The following MRTFA variants were observed in gnomAD, a reference collection of about 807,000 sequenced individuals.
MRTFA encodes myocardin related transcription factor A.
Under a neutral mutation model 83.5 loss-of-function variants are expected in MRTFA, and 20 were observed. The ratio of observed to expected loss-of-function variants is 0.24; its 90% confidence interval spans 0.17 to 0.35. The LOEUF (loss-of-function observed/expected upper bound fraction) is 0.35. MRTFA is among the 10% of genes least tolerant of loss of function. The probability of loss-of-function intolerance (pLI) is 1.00; values close to 1 mark genes in which losing one functional copy is unlikely to be tolerated. For missense variants in MRTFA, 1,200 were observed against 1,224.7 expected (o/e 0.98, Z 0.30); for synonymous variants, 659 against 541.2 (o/e 1.22, Z -3.02).
Position 40,411,863 on chromosome 22 carries a change from C to T in MRTFA, c.2623G>A (p.Glu875Lys). The T allele has an allele frequency of 6.7e-7, 1 of 1,487,870 alleles. No individual in the cohort carries two copies. The highest frequency in any genetic ancestry group is 8.9e-7 in the Non-Finnish European group (1 of 1,117,354). The allele number at this position is 1,487,870 out of a possible 1,614,324, so 92.2% of individuals were successfully genotyped here. A position where few individuals can be genotyped will look rare whatever the true frequency, so the allele number is the denominator to read the frequency against. ...CAGACTGTCTTCGGGGATGGCTTCT[C>T]CTTCCCTGGCAGGGATGGCGGCTCC... Residue 875 changes from glutamate (E) to lysine (K), a missense_variant, in exon 15 of 15, where the codon GAG becomes AAG. Coordinates refer to ENST00000355630, the MANE Select transcript of MRTFA (RefSeq NM_020831.6).
chr22:40,501,943 C>T (rs1224380926), intron 3 of MRTFA, among the ~76,000 whole-genome samples: 9 of 104,644 alleles, frequency 8.6e-5, no homozygotes, highest in Non-Finnish European at 1.6e-4. Context: ...GCAGAGGCGC[C>T]CCTCACCTCC....
rs1437790793 is a variant in MRTFA at position 40,502,277 on chromosome 22, G to A, written c.242-38991C>T. On this transcript the variant is annotated intron_variant, in intron 3 of 14. Transcript: ENST00000355630. ...TCACTTCTCAGACGGGGCGGCTGCC[G>A]GGCGGAGGGGCTCCTCACTTCTCAG... 3.5e-4 allele frequency among the ~76,000 whole-genome samples: 46 copies of A among 131,416 alleles called. No homozygotes were observed. The East Asian group carries it at 0.01, about 29-fold the overall frequency. 86.2% of individuals were successfully genotyped at this position (131,416 alleles called of 152,430 possible). A position where few individuals can be genotyped will look rare whatever the true frequency, so the allele number is the denominator to read the frequency against.
At chr22:40,587,753 C>T in intron 2 of MRTFA, 1 of 336,388 alleles carries the variant, frequency 3.0e-6, no homozygotes, top group South Asian at 3.9e-5. Context: ...AGAGTGAGTC[C>T]CACCACCTCA....
At chr22:40,531,955 C>T (rs889603938) in intron 3 of MRTFA, among the ~76,000 whole-genome samples, 17 of 152,148 alleles carry the variant, frequency 1.1e-4, no homozygotes, top group African/African-American at 3.6e-4. Context: ...TCCACTTTTA[C>T]GAACATAAAC....
intron 1 of MRTFA, among the ~76,000 whole-genome samples, chr22:40,626,874 C>CAA (rs931263888): frequency 6.6e-6 from 1 of 151,118 alleles, no homozygotes; most frequent in African/African-American, 2.4e-5. Flanking sequence ...CAAACACACA[C>CAA]ACACACACAC....
chr22:40,616,699 A>G (rs1486818401), intron 1 of MRTFA, among the ~76,000 whole-genome samples: 3 of 152,182 alleles, frequency 2.0e-5, no homozygotes, highest in African/African-American at 7.2e-5. Flanking sequence ...TTGGAGCCAG[A>G]GCAACTTTAG....
intron 14 of MRTFA, chr22:40,415,011 C>A (rs1433330076): frequency 6.6e-6 from 1 of 152,360 alleles, no homozygotes; most frequent in Non-Finnish European, 1.5e-5. Flanking sequence ...GCCTGCCCAG[C>A]TGCCACCACC....
intron 3 of MRTFA, among the ~76,000 whole-genome samples, chr22:40,531,300 A>G (rs1317525822): frequency 7.9e-6 from 1 of 125,788 alleles, no homozygotes; most frequent in Non-Finnish European, 1.6e-5. Flanking sequence ...TTTTGTAGAG[A>G]TGGGTCTTGA....
chr22:40,553,154 C>T (rs895747130), intron 2 of MRTFA, among the ~76,000 whole-genome samples: 3 of 152,092 alleles, frequency 2.0e-5, no homozygotes, highest in African/African-American at 2.4e-5. Context: ...CATTTCTAAG[C>T]GGCAAAGCAT....
intron 2 of MRTFA, among the ~76,000 whole-genome samples, chr22:40,561,212 C>CTGTGTG (rs60830555): frequency 0.02 from 2,887 of 145,984 alleles, 91 homozygotes; most frequent in African/African-American, 0.071. Context: ...GTGTGTGTGT[C>CTGTGTG]TGTGTGTGTG....
chr22:40,425,501 T>TCCAGGG (rs1302077101), intron 7 of MRTFA, among the ~76,000 whole-genome samples: 2 of 152,346 alleles, frequency 1.3e-5, no homozygotes, highest in South Asian at 4.1e-4. Flanking sequence ...GCTCTTGCCC[T>TCCAGGG]CCAGGGCCAG....
rs201040606 is a variant in MRTFA, at chr22:40,419,000, C to A, written c.1738G>T (p.Val580Leu). 1 of 1,612,844 alleles carries A rather than the reference C, an allele frequency of 6.2e-7. No individual in the cohort carries two copies. Among genetic ancestry groups the A allele is most frequent in the Non-Finnish European group, 8.5e-7 (1 of 1,179,932 alleles). Reference sequence around the variant, plus strand: ...GTCAGCTGCGTCAGAGGTGATGTCACCATCTCACCAAAGGTGTCCCCGGGG... The same window carrying A: ...GTCAGCTGCGTCAGAGGTGATGTCAACATCTCACCAAAGGTGTCCCCGGGG... Residue 580 changes from valine (V) to leucine (L), a missense_variant, in exon 12 of 15, where the codon GTG becomes TTG. Around this residue, in one of 2 missense-constraint regions of MRTFA, gnomAD observed 1,107 missense variants for 1,041.8 expected, o/e 1.06. Coordinates refer to ENST00000355630, the MANE Select transcript of MRTFA (RefSeq NM_020831.6).
chr22:40,634,155 A>G (rs1332238515), intron 1 of MRTFA, among the ~76,000 whole-genome samples: 1 of 151,728 alleles, frequency 6.6e-6, no homozygotes, highest in Non-Finnish European at 1.5e-5. Context: ...CAGTGTGAAC[A>G]TAGCTTACTG....
intron 1 of MRTFA, among the ~76,000 whole-genome samples, chr22:40,630,096 T>A (rs1026319241): frequency 6.6e-6 from 1 of 152,032 alleles, no homozygotes; most frequent in Admixed American, 6.6e-5. Context: ...GCGGATCACC[T>A]GAGGTCAGGA....
At chr22:40,551,087 G>GA (rs34526025) in intron 3 of MRTFA, among the ~76,000 whole-genome samples, 115,984 of 151,698 alleles carry the variant, frequency 0.76, 44,698 homozygotes, top group East Asian at 0.9. Flanking sequence ...CCGACCTCAG[G>GA]GATCCGCCCG....
intron 1 of MRTFA, among the ~76,000 whole-genome samples, chr22:40,606,747 C>T (rs774505184): frequency 6.6e-6 from 1 of 152,068 alleles, no homozygotes; most frequent in Non-Finnish European, 1.5e-5. Context: ...GACATCAGAC[C>T]ACCAGAAAGA....
intron 1 of MRTFA, among the ~76,000 whole-genome samples, chr22:40,624,732 A>C (rs2056562180): frequency 6.6e-6 from 1 of 152,076 alleles, no homozygotes; most frequent in African/African-American, 2.4e-5. Context: ...GTTACACTAT[A>C]ATTAACTCAG....
chr22:40,576,818 C>A (rs2055874349), intron 2 of MRTFA, among the ~76,000 whole-genome samples: 1 of 152,200 alleles, frequency 6.6e-6, no homozygotes, highest in African/African-American at 2.4e-5. Flanking sequence ...TGGTGGCTCA[C>A]ACCTGTAATC....
chr22:40,411,763 G>A lies in MRTFA; in HGVS notation c.2723C>T (p.Pro908Leu). ...GTCCTCCAGGCGTCCAGGGAGGGAG[G>A]GTGAGCCTGGAGGAGGTGGGGCAGC... The change falls in exon 15 of 15, where the codon CCC (proline) becomes CTC (leucine). Residue 908 changes from proline (P) to leucine (L), a missense_variant. By Grantham distance (98) the Pro-to-Leu change is moderately conservative (BLOSUM62 -3). Around this residue, in one of 2 missense-constraint regions of MRTFA, gnomAD observed 1,107 missense variants for 1,041.8 expected, o/e 1.06. Transcript: ENST00000355630. 6.5e-7 allele frequency: 1 copy of A among 1,540,924 alleles called. No individual in the cohort carries two copies. Among genetic ancestry groups the A allele is most frequent in the Non-Finnish European group, 8.8e-7 (1 of 1,137,882 alleles).
Sources: allele counts gnomAD v4.1 joint callset (sites outside exome capture counted in the v4.1 genomes callset), GRCh38; gene constraint gnomAD v4.1.1; regional missense constraint gnomAD v4.1.1; transcripts MANE v1.5; gene names NCBI Gene and HGNC (gene_info 2026-07-23, HGNC 2026-07-21).